The following SAMM50 variants were observed in gnomAD, a reference collection of about 807,000 sequenced individuals.
SAMM50 encodes SAMM50 sorting and assembly machinery component.
Under a neutral mutation model 66.9 loss-of-function variants are expected in SAMM50, and 47 were observed. The observed-to-expected ratio is 0.70, with a 90% confidence interval of 0.56 to 0.90. The LOEUF is 0.90. Among genes scored for constraint, SAMM50 ranks in the 40% least tolerant of loss-of-function variants. SAMM50 has a pLI of 0.00. For missense variants in SAMM50, 535 were observed against 595.3 expected (o/e 0.90, Z 1.05); for synonymous variants, 191 against 214.1 (o/e 0.89, Z 0.94).
intron 7 of SAMM50, 66 bp downstream of exon 7, chr22:43,973,389 C>T (rs746673447): frequency 6.2e-5 from 59 of 957,872 alleles, no homozygotes; most frequent in Non-Finnish European, 9.6e-5. Context: ...TCACTGATTC[C>T]CAAAGGCAGC....
intron 10 of SAMM50, among the ~76,000 whole-genome samples, chr22:43,978,432 C>CAAAAAAAAAA (rs71313377): frequency 2.9e-5 from 2 of 69,120 alleles, no homozygotes; most frequent in Non-Finnish European, 5.1e-5. Context: ...GACTCCTTCT[C>CAAAAAAAAAA]AAAAAAAAAA....
At chr22:43,958,476 C>CCTTT (rs556794281) in intron 1 of SAMM50, among the ~76,000 whole-genome samples, 2 of 112,586 alleles carry the variant, frequency 1.8e-5, no homozygotes, top group African/African-American at 7.0e-5. Flanking sequence ...TTATGGAGCT[C>CCTTT]TTTTTTTTTT....
intron 9 of SAMM50, among the ~76,000 whole-genome samples, chr22:43,977,379 G>T (rs890017913): frequency 1.3e-5 from 2 of 152,190 alleles, no homozygotes; most frequent in African/African-American, 2.4e-5. Context: ...AGGGCAGCAG[G>T]GGCTGCACTG....
chr22:43,973,235 G>GT lies in SAMM50; in HGVS notation c.563dup (p.Ser189LeufsTer6), dbSNP rs1569029000. The GT allele has an allele frequency of 1.3e-6, 2 of 1,580,064 alleles. No individual in the cohort carries two copies. The highest frequency in any genetic ancestry group is 1.7e-6 in the Non-Finnish European group (2 of 1,149,254). ...TAAAGCTCTATCCCATTGTCTCCTAGTTTCTCTGTAAACTTATATAAAGTT... is the reference window on the plus strand; with the variant it reads ...TAAAGCTCTATCCCATTGTCTCCTAGTTTTCTCTGTAAACTTATATAAAGTT... On this transcript the variant is annotated frameshift_variant and splice_region_variant. Transcript: ENST00000350028. LOFTEE classifies it high-confidence loss of function.
chr22:43,962,881 ATTTTTTTTTTTTTTTT>A (rs58022542), intron 1 of SAMM50, among the ~76,000 whole-genome samples: 6,345 of 65,840 alleles, frequency 0.096, 256 homozygotes, highest in Middle Eastern at 0.26. Flanking sequence ...CTTTTGGTTA[ATTTTTTTTTTTTTTTT>A]TTTTTTTTTT....
At chr22:43,960,854 T>C (rs1408881267) in intron 1 of SAMM50, among the ~76,000 whole-genome samples, 1 of 152,110 alleles carries the variant, frequency 6.6e-6, no homozygotes, top group Non-Finnish European at 1.5e-5. Flanking sequence ...GGAGATGACA[T>C]TAAGGTGGAT....
chr22:43,985,715 G>A (rs1215513138), intron 12 of SAMM50, among the ~76,000 whole-genome samples: 2 of 151,952 alleles, frequency 1.3e-5, no homozygotes, highest in Non-Finnish European at 2.9e-5. Context: ...CACATCTGCT[G>A]AGTCAGTGCC....
At chr22:43,975,979 T>C (rs773453768) in intron 7 of SAMM50, 76 bp from the exon 8 acceptor site, 15 of 1,468,140 alleles carry the variant, frequency 1.0e-5, no homozygotes, top group Non-Finnish European at 1.4e-5. Context: ...TTCATGATGC[T>C]TCATTCCAAA....
At chr22:43,972,802 C>G in intron 5 of SAMM50, 69 bp from the exon 6 acceptor site, 2 of 1,428,492 alleles carry the variant, frequency 1.4e-6, no homozygotes, top group African/African-American at 1.5e-5. Flanking sequence ...CTAGCATAGT[C>G]TTTATCCAAT....
Position 43,973,021 on chromosome 22 carries a change from A to G in SAMM50, c.560+20A>G. 1.3e-6 allele frequency: 2 copies of G among 1,585,740 alleles called. No individual in the cohort carries two copies. Among genetic ancestry groups the G allele is most frequent in the Non-Finnish European group, 1.7e-6 (2 of 1,172,634 alleles). ...AAGAAAGTAGGAAGCCCAACAGATC[A>G]TTGAGTACACTGGCCTGATAGAAAA... On this transcript the variant is annotated intron_variant, in intron 6 of 14. Transcript: ENST00000350028.
chr22:43,977,298 A>AAT, intron 9 of SAMM50, among the ~76,000 whole-genome samples: 1 of 152,030 alleles, frequency 6.6e-6, no homozygotes, highest in South Asian at 2.1e-4. Flanking sequence ...AGGCAGGGGG[A>AAT]TAGTTCTTTA....
chr22:43,985,733 G>A (rs780823987), intron 12 of SAMM50, among the ~76,000 whole-genome samples: 4 of 151,946 alleles, frequency 2.6e-5, no homozygotes, highest in Admixed American at 6.5e-5. Flanking sequence ...GCCGGGGAGC[G>A]CAGTTGTTTG....
At chr22:43,976,294 G>A in intron 8 of SAMM50, 111 bp downstream of exon 8, 2 of 1,334,872 alleles carry the variant, frequency 1.5e-6, no homozygotes, top group Non-Finnish European at 2.1e-6. Flanking sequence ...TCACCCAGAT[G>A]GGGTGTCCAC....
intron 12 of SAMM50, chr22:43,988,875 T>C (rs1007160710): frequency 1.0e-5 from 4 of 399,318 alleles, no homozygotes; most frequent in African/African-American, 6.1e-5. Context: ...CTCAACGACA[T>C]TGGCTTTGTT....
chr22:43,990,615 C>A (rs553387099), intron 14 of SAMM50, among the ~76,000 whole-genome samples: 24 of 152,152 alleles, frequency 1.6e-4, no homozygotes, highest in Non-Finnish European at 2.8e-4. Flanking sequence ...GTTCCCACCC[C>A]CTCCCTCAGG....
chr22:43,962,592 G>C (rs964462478), intron 1 of SAMM50, among the ~76,000 whole-genome samples: 1 of 152,100 alleles, frequency 6.6e-6, no homozygotes, highest in African/African-American at 2.4e-5. Context: ...GAGACTTTCT[G>C]AAATGAAAAA....
chr22:43,977,165 G>A (rs1283245888), intron 9 of SAMM50, among the ~76,000 whole-genome samples: 3 of 152,224 alleles, frequency 2.0e-5, no homozygotes, highest in African/African-American at 7.2e-5. Context: ...AATGGCTGCA[G>A]GGCAGGTGCA....
chr22:43,960,220 C>T (rs756137277), intron 1 of SAMM50, among the ~76,000 whole-genome samples: 2 of 152,088 alleles, frequency 1.3e-5, no homozygotes, highest in Non-Finnish European at 2.9e-5. Flanking sequence ...TACTGCACAA[C>T]AAAATTGAAA....
intron 14 of SAMM50, among the ~76,000 whole-genome samples, chr22:43,994,211 T>C (rs1027370482): frequency 1.3e-4 from 20 of 152,200 alleles, no homozygotes; most frequent in African/African-American, 4.3e-4. Context: ...AGCAAAGCTG[T>C]GCAGGTGTGC....
Sources: allele counts gnomAD v4.1 joint callset (sites outside exome capture counted in the v4.1 genomes callset), GRCh38; gene constraint gnomAD v4.1.1; transcripts MANE v1.5; gene names NCBI Gene and HGNC (gene_info 2026-07-23, HGNC 2026-07-21).